ABHD17C: variants seen among roughly 807,000 people sequenced by gnomAD.
ABHD17C encodes the protein alpha/beta hydrolase domain-containing protein 17C.
In ABHD17C, 11 loss-of-function variants were observed where a neutral mutation model predicts 27.9. That is an observed-to-expected ratio of 0.39 (90% CI 0.25 to 0.65). The LOEUF (loss-of-function observed/expected upper bound fraction) is 0.65. Ranked by LOEUF, ABHD17C falls within the 30% of genes least tolerant of loss-of-function variation. The pLI is 0.45. For missense variants in ABHD17C, 280 were observed against 470.2 expected, an observed-to-expected ratio of 0.60 and a Z score of 3.74; for synonymous variants, 233 against 209.1, an observed-to-expected ratio of 1.11 and a Z score of -0.98.
At chr15:80,742,979 G>C (rs1196250400) in intron 1 of ABHD17C, among the ~76,000 whole-genome samples, 1 of 148,210 alleles carries the variant, frequency 6.7e-6, no homozygotes, top group East Asian at 2.1e-4. Flanking sequence ...AGGTTTCAGA[G>C]GGCTTAGGGT....
At chr15:80,711,571 G>A (rs984013758) in intron 1 of ABHD17C, among the ~76,000 whole-genome samples, 2 of 152,144 alleles carry the variant, frequency 1.3e-5, no homozygotes, top group Non-Finnish European at 2.9e-5. Flanking sequence ...CTACTGACTC[G>A]GTGTGGACTA....
intron 1 of ABHD17C, among the ~76,000 whole-genome samples, chr15:80,700,951 A>G (rs1197597094): frequency 6.6e-6 from 1 of 152,186 alleles, no homozygotes; most frequent in Non-Finnish European, 1.5e-5. Flanking sequence ...ACATTTATTT[A>G]TGCTCTGCTT....
chr15:80,730,640 C>T (rs539007461), intron 1 of ABHD17C, among the ~76,000 whole-genome samples: 62 of 152,240 alleles, frequency 4.1e-4, no homozygotes, highest in Admixed American at 7.2e-4. Context: ...ATGTAAGACA[C>T]CAAGGTTGAG....
At chr15:80,723,470 G>C (rs2141504681) in intron 1 of ABHD17C, among the ~76,000 whole-genome samples, 1 of 152,232 alleles carries the variant, frequency 6.6e-6, no homozygotes, top group Admixed American at 6.5e-5. Context: ...CATGTTGTTA[G>C]GGCCTATGCT....
At chr15:80,714,213 C>T (rs1894772600) in intron 1 of ABHD17C, among the ~76,000 whole-genome samples, 1 of 152,176 alleles carries the variant, frequency 6.6e-6, no homozygotes, top group Non-Finnish European at 1.5e-5. Flanking sequence ...ACCTTGGCCT[C>T]CCAAAGTGCT....
rs1459469394 is a variant in ABHD17C, at chr15:80,695,642, G to T, written c.213G>T (p.Pro71=). The change falls in exon 1 of 3, where the codon CCG becomes CCT. Residue 71 remains proline, a synonymous_variant. Transcript: ENST00000258884. The surrounding 1 kb of genome is among the most constrained non-coding windows in gnomAD (Gnocchi z 4.3). ...QATAAAAAAQ[P]APQQPEEGAG... ...CCGCCGCCGCCGCCGCGGCCCAGCC[G>T]GCACCGCAGCAGCCCGAGGAGGGCG... 6 of 1,321,872 alleles carry T rather than the reference G, an allele frequency of 4.5e-6. No homozygotes were observed. The African/African-American group carries it at 7.8e-5, about 17-fold the overall frequency. 81.9% of individuals were successfully genotyped at this position (1,321,872 alleles called of 1,614,324 possible).
chr15:80,741,094 TA>T, intron 1 of ABHD17C, among the ~76,000 whole-genome samples: 1 of 152,272 alleles, frequency 6.6e-6, no homozygotes, highest in Admixed American at 6.5e-5. Flanking sequence ...GTGTCCGAAT[TA>T]CTCACCTTAC....
intron 1 of ABHD17C, among the ~76,000 whole-genome samples, chr15:80,706,234 A>C (rs1457340793): frequency 6.6e-6 from 1 of 152,202 alleles, no homozygotes; most frequent in Non-Finnish European, 1.5e-5. Flanking sequence ...AATGGAGCTC[A>C]TTGATAACTC....
chr15:80,696,193 C>T (rs544165947), intron 1 of ABHD17C, among the ~76,000 whole-genome samples, 174 bp downstream of exon 1: 2 of 152,350 alleles, frequency 1.3e-5, no homozygotes, highest in East Asian at 3.9e-4. Context: ...CCCTGGCTTG[C>T]TCCCACCCTC....
chr15:80,711,958 G>A (rs979465879), intron 1 of ABHD17C, among the ~76,000 whole-genome samples: 13 of 152,168 alleles, frequency 8.5e-5, no homozygotes, highest in African/African-American at 1.4e-4. Flanking sequence ...GAAAAATGCC[G>A]TGGCCTTTCT....
chr15:80,722,854 G>A (rs538445270), intron 1 of ABHD17C, among the ~76,000 whole-genome samples: 4 of 152,302 alleles, frequency 2.6e-5, no homozygotes, highest in Non-Finnish European at 4.4e-5. Flanking sequence ...GTAGCATAAA[G>A]TTCTGCAGGA....
intron 1 of ABHD17C, among the ~76,000 whole-genome samples, chr15:80,713,351 G>GTTTTTTTTTTTTTT (rs1596062478): frequency 3.6e-5 from 1 of 28,136 alleles, no homozygotes; most frequent in Admixed American, 5.6e-4. Context: ...CTGAGGTCTT[G>GTTTTTTTTTTTTTT]TTCTTTTTTT....
At chr15:80,751,130 G>A (rs929448232) in intron 2 of ABHD17C, among the ~76,000 whole-genome samples, 2 of 151,846 alleles carry the variant, frequency 1.3e-5, no homozygotes, top group African/African-American at 4.8e-5. Context: ...AGGGTGGATT[G>A]CCAGAATTCA....
At chr15:80,700,482 A>G (rs1319454769) in intron 1 of ABHD17C, among the ~76,000 whole-genome samples, 2 of 152,204 alleles carry the variant, frequency 1.3e-5, no homozygotes, top group Non-Finnish European at 2.9e-5. Context: ...AGAAACGTTG[A>G]TACAGTCAGA....
rs1261389334 is a variant in ABHD17C at position 80,719,695 on chromosome 15, G to A, written c.590+23676G>A. Among the ~76,000 whole-genome samples, 13 of 152,272 alleles carry A rather than the reference G, an allele frequency of 8.5e-5. No individual in the cohort carries two copies. In the South Asian group the frequency reaches 2.3e-3, roughly 27 times the overall value. ...TAGATCTTTCTGATTTAAGGCAAAT[G>A]TGTACTCCAATCATGGCTTAAAAAC... On this transcript the variant is annotated intron_variant, in intron 1 of 2. Coordinates refer to ENST00000258884, the MANE Select transcript of ABHD17C (RefSeq NM_021214.2).
At chr15:80,707,579 A>AG (rs1488329593) in intron 1 of ABHD17C, among the ~76,000 whole-genome samples, 1 of 152,170 alleles carries the variant, frequency 6.6e-6, no homozygotes, top group Non-Finnish European at 1.5e-5. Context: ...CTCAAAAAAA[A>AG]AAACGCAAAA....
intron 1 of ABHD17C, among the ~76,000 whole-genome samples, chr15:80,698,514 A>T (rs554471683): frequency 2.0e-5 from 3 of 152,224 alleles, no homozygotes; most frequent in Non-Finnish European, 4.4e-5. Context: ...CTTGACTACC[A>T]GTTTAGTACT....
At position 80,695,476 on chromosome 15, in the gene ABHD17C, T is replaced by C. The variant is rs769758711; in HGVS notation, c.47T>C (p.Leu16Pro). The C allele has an allele frequency of 7.2e-7, 1 of 1,383,764 alleles. No homozygotes were observed. Among genetic ancestry groups the C allele is most frequent in the East Asian group, 3.7e-5 (1 of 27,212 alleles). The allele number at this position is 1,383,764 out of a possible 1,614,324, so 85.7% of individuals were successfully genotyped here. Residue 16 changes from leucine to proline, a missense_variant, in exon 1 of 3, where the codon CTG becomes CCG. This residue lies in a region of ABHD17C where 74 missense variants were observed against 75.5 expected (regional missense o/e 0.98). Coordinates refer to ENST00000258884, the MANE Select transcript of ABHD17C (RefSeq NM_021214.2). This position sits in a 1 kb window ranked among gnomAD's most constrained non-coding sequence, Gnocchi z 4.3. Reference protein sequence around the residue: ...PRMNGFSLGELCWLFCCPPCP... With the variant: ...PRMNGFSLGEPCWLFCCPPCP... ...ATGAACGGCTTCTCGCTGGGTGAGC[T>C]GTGCTGGCTCTTCTGCTGCCCGCCC...
chr15:80,712,552 TG>T lies in ABHD17C; in HGVS notation c.590+16534del, dbSNP rs761845037. ...AAGAGCAGCCTCACCTGTCTATGGGTGAGGTCCAAGAAGTGTAACAGAAGTG... is the reference window on the plus strand; with the variant it reads ...AAGAGCAGCCTCACCTGTCTATGGGTAGGTCCAAGAAGTGTAACAGAAGTG... On this transcript the variant is annotated intron_variant, in intron 1 of 2. Coordinates refer to ENST00000258884, the MANE Select transcript of ABHD17C (RefSeq NM_021214.2). Among the ~76,000 whole-genome samples, 43 of 152,250 alleles carry T rather than the reference TG, an allele frequency of 2.8e-4. 1 individual carries two copies. Among genetic ancestry groups the T allele is most frequent in the African/African-American group, 5.3e-4 (22 of 41,532 alleles).
Sources: allele counts gnomAD v4.1 joint callset (sites outside exome capture counted in the v4.1 genomes callset), GRCh38; gene constraint gnomAD v4.1.1; regional missense constraint gnomAD v4.1.1; non-coding constraint Gnocchi (gnomAD v3.1); transcripts MANE v1.5; gene names NCBI Gene and HGNC (gene_info 2026-07-23, HGNC 2026-07-21).